The following KLHL33 variants were observed in gnomAD, a reference collection of about 807,000 sequenced individuals.
KLHL33 encodes the protein kelch-like protein 33.
A neutral mutation model predicts 60.8 loss-of-function variants in KLHL33; 46 were observed. The observed-to-expected ratio is 0.76, with a 90% confidence interval of 0.60 to 0.97. The LOEUF (loss-of-function observed/expected upper bound fraction) is 0.97. Among genes scored for constraint, KLHL33 ranks in the 50% least tolerant of loss-of-function variants. The pLI is 0.00. For synonymous variants in KLHL33, 434 were observed against 432.2 expected, an observed-to-expected ratio of 1.00 and a Z score of -0.05; for missense variants, 1,055 against 1,000.0, an observed-to-expected ratio of 1.05 and a Z score of -0.74.
chr14:20,432,985 A>AGAAAGAAG (rs1555330536), intron 2 of KLHL33, among the ~76,000 whole-genome samples: 5 of 151,944 alleles, frequency 3.3e-5, no homozygotes, highest in African/African-American at 1.2e-4. Flanking sequence ...AAAGAAAGAA[A>AGAAAGAAG]GAGAGAAATT....
Position 20,429,420 on chromosome 14 carries a change from C to T in KLHL33, c.1842-19G>A. On this transcript the variant is annotated intron_variant, in intron 4 of 4. Coordinates refer to ENST00000636854, the MANE Select transcript of KLHL33 (RefSeq NM_001365790.2). Reference sequence around the variant, plus strand: ...TGCTGGCCTAAGGGAGAACAGGACACAAGATAAGGCAACTAGCATCTTCAA... The same window carrying T: ...TGCTGGCCTAAGGGAGAACAGGACATAAGATAAGGCAACTAGCATCTTCAA... The T allele has an allele frequency of 6.5e-7, 1 of 1,550,204 alleles. No individual in the cohort carries two copies. Among genetic ancestry groups the T allele is most frequent in the Admixed American group, 2.0e-5 (1 of 50,962 alleles).
Position 20,430,431 on chromosome 14 carries a change from G to A in KLHL33, c.1037C>T (p.Ala346Val), listed in dbSNP as rs569861281. 20 of 1,551,720 alleles carry A rather than the reference G, an allele frequency of 1.3e-5. No homozygotes were observed. Among genetic ancestry groups the A allele is most frequent in the African/African-American group, 2.7e-5 (2 of 73,178 alleles). The change falls in exon 3 of 5, where the codon GCG becomes GTG. Residue 346 changes from alanine (A) to valine (V), a missense_variant. By Grantham distance (64) the Ala-to-Val change is moderately conservative. Transcript: ENST00000636854. ...PARCLALFPM[A>V]EAPGLERLWS... The stretch of plus-strand genomic sequence containing the variant: ...GAGCCTCTCCAACCCAGGGGCTTCC[G>A]CCATGGGGAACAGGGCCAGGCAACG...
rs1037456020 is a variant in KLHL33 at position 20,435,080 on chromosome 14, G to T, written c.732C>A (p.Gly244=). The change falls in exon 2 of 5, where the codon GGC becomes GGA. Residue 244 remains glycine (G), a synonymous_variant. Transcript: ENST00000636854. ...GVGCDLKLEA[G]GCQLSVHRAA... is the part of the protein sequence containing the mutation. ...GGCCCTCACCCGACAGCTGGCAGCC[G>T]CCTGCCTCCAGCTTCAAGTCACACC... The T allele has an allele frequency of 8.1e-7, 1 of 1,234,478 alleles. No individual in the cohort carries two copies. Among genetic ancestry groups the T allele is most frequent in the Middle Eastern group, 2.1e-4 (1 of 4,842 alleles). The allele number at this position is 1,234,478 out of a possible 1,614,324, so 76.5% of individuals were successfully genotyped here.
At chr14:20,431,631 G>C (rs1880512096) in intron 2 of KLHL33, among the ~76,000 whole-genome samples, 1 of 152,204 alleles carries the variant, frequency 6.6e-6, no homozygotes, top group Non-Finnish European at 1.5e-5. Context: ...GGAGACTGAG[G>C]CAGGAGAATA....
At position 20,427,363 on chromosome 14, in the gene KLHL33, A is replaced by G. The variant is rs752561794; in HGVS notation, c.*1486T>C. 6.6e-6 allele frequency: 1 copy of G among 152,188 alleles called. No homozygotes were observed. Among genetic ancestry groups the G allele is most frequent in the Non-Finnish European group, 1.5e-5 (1 of 68,024 alleles). 9.4% of individuals were successfully genotyped at this position (152,188 alleles called of 1,614,324 possible). On this transcript the variant is annotated 3_prime_UTR_variant, in exon 5 of 5. Transcript: ENST00000636854. ...AATACACAATCATTAAGTGAAAGCC[A>G]TTATCCTCAGGAAGGCTCCAGAGAA... is the stretch of plus-strand genomic sequence containing the variant.
chr14:20,427,369 C>G lies in KLHL33; in HGVS notation c.*1480G>C, dbSNP rs1047532021. 4.6e-5 allele frequency: 7 copies of G among 152,058 alleles called. No individual in the cohort carries two copies. Among genetic ancestry groups the G allele is most frequent in the Non-Finnish European group, 1.0e-4 (7 of 68,008 alleles). 9.4% of individuals were successfully genotyped at this position (152,058 alleles called of 1,614,324 possible). A position where few individuals can be genotyped will look rare whatever the true frequency, so the allele number is the denominator to read the frequency against. On this transcript the variant is annotated 3_prime_UTR_variant, in exon 5 of 5. Transcript: ENST00000636854. Reference sequence around the variant, plus strand: ...CAATCATTAAGTGAAAGCCATTATCCTCAGGAAGGCTCCAGAGAAGAGAGT... The same window carrying G: ...CAATCATTAAGTGAAAGCCATTATCGTCAGGAAGGCTCCAGAGAAGAGAGT...
rs1319245193 is a variant in KLHL33 at position 20,426,728 on chromosome 14, C to T, written c.*2121G>A. ...AATCATGCCGCTATAAAGACACATG[C>T]ACACATATGTTTATTGCATCACTAT... On this transcript the variant is annotated 3_prime_UTR_variant, in exon 5 of 5. Transcript: ENST00000636854. 6.6e-6 allele frequency: 1 copy of T among 152,102 alleles called. No individual in the cohort carries two copies. Among genetic ancestry groups the T allele is most frequent in the Non-Finnish European group, 1.5e-5 (1 of 68,036 alleles). The allele number at this position is 152,102 out of a possible 1,614,324, so 9.4% of individuals were successfully genotyped here.
rs1880418307 is a variant in KLHL33 at position 20,429,521 on chromosome 14, G to T, written c.1822C>A (p.Pro608Thr). 1 of 1,552,208 alleles carries T rather than the reference G, an allele frequency of 6.4e-7. No individual in the cohort carries two copies. Among genetic ancestry groups the T allele is most frequent in the Non-Finnish European group, 8.7e-7 (1 of 1,147,092 alleles). ...GCTTACCTCCAGACATTGAGCTCAG[G>T]GTTGTAGGTCTCCACAGAGTCCAGG... ...VALDSVETYNPELNVWRPAPA... is the reference protein window; with the variant it reads ...VALDSVETYNTELNVWRPAPA... Residue 608 changes from proline (P) to threonine (T), a missense_variant, in exon 4 of 5, where the codon CCT (proline) becomes ACT (threonine). By Grantham distance (38) the Pro-to-Thr change is conservative (BLOSUM62 -1). Coordinates refer to ENST00000636854, the MANE Select transcript of KLHL33 (RefSeq NM_001365790.2).
At position 20,435,441 on chromosome 14, in the gene KLHL33, T is replaced by C. The variant is rs1880659257; in HGVS notation, c.371A>G (p.Tyr124Cys). 2 of 1,234,302 alleles carry C rather than the reference T, an allele frequency of 1.6e-6. No homozygotes were observed. Among genetic ancestry groups the C allele is most frequent in the African/African-American group, 3.1e-5 (2 of 64,508 alleles). The allele number at this position is 1,234,302 out of a possible 1,614,324, so 76.5% of individuals were successfully genotyped here. Residue 124 changes from tyrosine to cysteine, a missense_variant, in exon 2 of 5, where the codon TAC (tyrosine) becomes TGC (cysteine). Coordinates refer to ENST00000636854, the MANE Select transcript of KLHL33 (RefSeq NM_001365790.2). ...DEEVSVAGRV[Y>C]GVHRVILAAI... ...GGCCAGGATCACCCGATGCACCCCG[T>C]ATACCCGCCCCGCGACTGACACCTC...
At position 20,435,157 on chromosome 14, in the gene KLHL33, C is replaced by T; in HGVS notation, c.655G>A (p.Glu219Lys). Reference protein sequence around the residue: ...EDVKKPSQAEELRENLRGIEL... With the variant: ...EDVKKPSQAEKLRENLRGIEL... ...ATTCCGCGCAGGTTCTCCCTCAGCT[C>T]CTCTGCCTGGCTGGGCTTCTTTACA... Residue 219 changes from glutamate (E) to lysine (K), a missense_variant, in exon 2 of 5, where the codon GAG (glutamate) becomes AAG (lysine). Physicochemically the swap from Glu to Lys is moderately conservative, Grantham distance 56. Transcript: ENST00000636854. 5 of 1,234,388 alleles carry T rather than the reference C, an allele frequency of 4.1e-6. No individual in the cohort carries two copies. Among genetic ancestry groups the T allele is most frequent in the Non-Finnish European group, 5.1e-6 (5 of 988,112 alleles). The allele number at this position is 1,234,388 out of a possible 1,614,324, so 76.5% of individuals were successfully genotyped here. A position where few individuals can be genotyped will look rare whatever the true frequency, so the allele number is the denominator to read the frequency against.
chr14:20,429,917 C>G lies in KLHL33; in HGVS notation c.1551G>C (p.Leu517=). ...GLVRTVEWGQ[L]PALPAPGRFR... ...AGCGTCCGGGGGCAGGCAGGGCAGG[C>G]AGCTGCCCCCACTCAACAGTTCGTA... Residue 517 remains leucine, a synonymous_variant, in exon 3 of 5, where the codon CTG becomes CTC. Transcript: ENST00000636854. 6.4e-7 allele frequency: 1 copy of G among 1,551,716 alleles called. No homozygotes were observed. Among genetic ancestry groups the G allele is most frequent in the Non-Finnish European group, 8.7e-7 (1 of 1,146,994 alleles).
At position 20,430,591 on chromosome 14, in the gene KLHL33, A is replaced by G. The variant is rs1277087605; in HGVS notation, c.877T>C (p.Ser293Pro). 1.3e-6 allele frequency: 2 copies of G among 1,537,626 alleles called. No individual in the cohort carries two copies. The highest frequency in any genetic ancestry group is 1.7e-6 in the Non-Finnish European group (2 of 1,146,990). ...CGCACAACTCCGGAGTAAGCAAAAG[A>G]GACGAGGAGTCGCAGGTCCTGGGTG... is the stretch of plus-strand genomic sequence containing the variant. ...ISTQDLRLLV[S>P]FAYSGVVRAR... Residue 293 changes from serine (S) to proline (P), a missense_variant, in exon 3 of 5, where the codon TCT becomes CCT. By Grantham distance (74) the Ser-to-Pro change is moderately conservative (BLOSUM62 -1). Coordinates refer to ENST00000636854, the MANE Select transcript of KLHL33 (RefSeq NM_001365790.2).
At chr14:20,432,930 G>GAAAGAAAGAAAGAAAGAA (rs1880557888) in intron 2 of KLHL33, among the ~76,000 whole-genome samples, 1 of 135,134 alleles carries the variant, frequency 7.4e-6, no homozygotes, top group South Asian at 2.5e-4. Flanking sequence ...TCAAAAAAAA[G>GAAAGAAAGAAAGAAAGAA]AAAGAAAGAA....
Position 20,428,688 on chromosome 14 carries a change from A to C in KLHL33, c.*161T>G. On this transcript the variant is annotated 3_prime_UTR_variant, in exon 5 of 5. Transcript: ENST00000636854. ...TTTCCCTAGGAGTTCTGGAACCACC[A>C]TTTCCTCAACGGAGATCATACGTAC... The C allele has an allele frequency of 1.5e-6, 1 of 681,262 alleles. No individual in the cohort carries two copies. Among genetic ancestry groups the C allele is most frequent in the Non-Finnish European group, 2.4e-6 (1 of 408,928 alleles). 42.2% of individuals were successfully genotyped at this position (681,262 alleles called of 1,614,324 possible).
Position 20,435,737 on chromosome 14 carries a change from A to G in KLHL33, c.75T>C (p.Leu25=). The change falls in exon 2 of 5, where the codon CTT becomes CTC. Residue 25 remains leucine (L), a synonymous_variant. Coordinates refer to ENST00000636854, the MANE Select transcript of KLHL33 (RefSeq NM_001365790.2). ...SVSHPVQRDC[L]GLLVHAQRTP... ...TTCTCTGGGCGTGCACAAGGAGTCC[A>G]AGGCAGTCCCTCTGGACGGGATGAG... 8.1e-7 allele frequency: 1 copy of G among 1,234,672 alleles called. No homozygotes were observed. The highest frequency in any genetic ancestry group is 1.0e-6 in the Non-Finnish European group (1 of 988,388). 76.5% of individuals were successfully genotyped at this position (1,234,672 alleles called of 1,614,324 possible).
At position 20,430,028 on chromosome 14, in the gene KLHL33, C is replaced by G. The variant is rs750137888; in HGVS notation, c.1440G>C (p.Gly480=). Residue 480 remains glycine (G), a synonymous_variant, in exon 3 of 5, where the codon GGG becomes GGC. Transcript: ENST00000636854. ...EPDRALVVIG[G]DGLRPDMALR... ...GGGCCATGTCTGGTCTGAGCCCATC[C>G]CCGCCAATCACTACCAGTGCCCGGT... 6.4e-7 allele frequency: 1 copy of G among 1,551,636 alleles called. No homozygotes were observed. The highest frequency in any genetic ancestry group is 1.4e-5 in the African/African-American group (1 of 73,048).
intron 2 of KLHL33, among the ~76,000 whole-genome samples, chr14:20,431,322 C>G (rs111411424): frequency 6.6e-6 from 1 of 152,116 alleles, no homozygotes; most frequent in African/African-American, 2.4e-5. Context: ...GTTTTCCGTG[C>G]GTCCCAGCTT....
intron 2 of KLHL33, among the ~76,000 whole-genome samples, chr14:20,434,756 T>G (rs990826165): frequency 1.3e-5 from 2 of 152,156 alleles, no homozygotes; most frequent in African/African-American, 2.4e-5. Flanking sequence ...CAATCCACTT[T>G]CTGCTTGTTC....
intron 2 of KLHL33, 134 bp from the exon 3 acceptor site, chr14:20,430,853 CTG>C (rs919187513): frequency 6.5e-6 from 4 of 619,972 alleles, no homozygotes; most frequent in Non-Finnish European, 1.1e-5. Context: ...ACAGACCAAA[CTG>C]TGGTGTGCAT....
Sources: allele counts gnomAD v4.1 joint callset (sites outside exome capture counted in the v4.1 genomes callset), GRCh38; gene constraint gnomAD v4.1.1; transcripts MANE v1.5; gene names NCBI Gene and HGNC (gene_info 2026-07-23, HGNC 2026-07-21).